GNB4: variants seen among roughly 807,000 people sequenced by gnomAD.
GNB4 encodes the protein guanine nucleotide-binding protein subunit beta-4.
GNB4 carries 28 observed loss-of-function variants against 45.2 expected under a neutral mutation model. That is an observed-to-expected ratio of 0.62 (90% CI 0.46 to 0.85). The LOEUF is 0.85. Ranked by LOEUF, GNB4 falls within the 40% of genes least tolerant of loss-of-function variation. The pLI is 0.00. For missense variants in GNB4, 321 were observed against 425.4 expected (o/e 0.75, Z 2.16); for synonymous variants, 132 against 143.7 (o/e 0.92, Z 0.58).
At chr3:179,430,103 C>A (rs1013096102) in intron 1 of GNB4, among the ~76,000 whole-genome samples, 4 of 151,556 alleles carry the variant, frequency 2.6e-5, no homozygotes, top group Non-Finnish European at 4.4e-5. Context: ...GACAGACAGA[C>A]AGACAGACAG....
the GNB4 span, among the ~76,000 whole-genome samples, chr3:179,522,298 C>G: frequency 6.9e-6 from 1 of 145,828 alleles, no homozygotes; most frequent in East Asian, 1.9e-4. Context: ...CCCCTGCCCA[C>G]CAGAGAACAA....
the GNB4 span, among the ~76,000 whole-genome samples, chr3:179,486,987 G>A: frequency 6.6e-6 from 1 of 152,142 alleles, no homozygotes; most frequent in Non-Finnish European, 1.5e-5. Flanking sequence ...GAGAAATTGG[G>A]CCTGTAATTA....
chr3:179,498,994 CTTA>C, the GNB4 span, among the ~76,000 whole-genome samples: 1 of 151,878 alleles, frequency 6.6e-6, no homozygotes, highest in Non-Finnish European at 1.5e-5. Context: ...TCAACTCCCG[CTTA>C]TCAGTGAGAA....
chr3:179,416,733 T>G (rs2108593102), intron 4 of GNB4, among the ~76,000 whole-genome samples, 177 bp from the exon 5 acceptor site: 1 of 152,322 alleles, frequency 6.6e-6, no homozygotes, highest in African/African-American at 2.4e-5. Context: ...CCAAAAATCT[T>G]GAACATATTT....
At chr3:179,427,550 A>G (rs988733372) in intron 1 of GNB4, among the ~76,000 whole-genome samples, 1 of 147,786 alleles carries the variant, frequency 6.8e-6, no homozygotes, top group East Asian at 2.0e-4. Flanking sequence ...GGCTGCAGTG[A>G]GCCGAGGTCA....
chr3:179,514,608 G>C, the GNB4 span, among the ~76,000 whole-genome samples: 1 of 152,188 alleles, frequency 6.6e-6, no homozygotes, highest in East Asian at 1.9e-4. Context: ...GGTCATAAGA[G>C]TGGTGCCCTA....
the GNB4 span, among the ~76,000 whole-genome samples, chr3:179,489,975 T>C: frequency 6.6e-6 from 1 of 152,346 alleles, no homozygotes; most frequent in South Asian, 2.1e-4. Flanking sequence ...ATTATTTGTA[T>C]GGCCATTTCT....
chr3:179,405,109 C>T, intron 9 of GNB4, 81 bp downstream of exon 9: 1 of 954,596 alleles, frequency 1.0e-6, no homozygotes, highest in Non-Finnish European at 1.6e-6. Flanking sequence ...CCAAGATGTC[C>T]ATGGAGGCCT....
intron 1 of GNB4, among the ~76,000 whole-genome samples, chr3:179,434,382 T>C (rs1417061417): frequency 1.3e-5 from 2 of 152,070 alleles, no homozygotes; most frequent in Non-Finnish European, 2.9e-5. Flanking sequence ...ATCCCTTTTA[T>C]AAAACTCAAA....
chr3:179,446,717 G>A lies in GNB4; in HGVS notation c.-43+4629C>T, dbSNP rs796871711. Among the ~76,000 whole-genome samples, 47 of 152,266 alleles carry A rather than the reference G, an allele frequency of 3.1e-4. 1 individual carries two copies. The highest frequency in any genetic ancestry group is 1.0e-3 in the African/African-American group (42 of 41,550). On this transcript the variant is annotated intron_variant, in intron 1 of 9. Transcript: ENST00000232564. ...GGGCATACAAAAGAAAGGTGATAAC[G>A]TGAAAACACTCAAAGTTGGTAACTT... is the stretch of plus-strand genomic sequence containing the variant.
chr3:179,436,545 A>G (rs191834302), intron 1 of GNB4, among the ~76,000 whole-genome samples: 1 of 152,298 alleles, frequency 6.6e-6, no homozygotes, highest in African/African-American at 2.4e-5. Flanking sequence ...CTTACACTCC[A>G]TAATTTTTAA....
At chr3:179,413,148 A>T (rs1297036133) in intron 8 of GNB4, among the ~76,000 whole-genome samples, 1 of 152,176 alleles carries the variant, frequency 6.6e-6, no homozygotes, top group Non-Finnish European at 1.5e-5. Context: ...GCTGCACTCC[A>T]GCCTGGACGA....
chr3:179,468,195 C>G, the GNB4 span, among the ~76,000 whole-genome samples: 4 of 150,352 alleles, frequency 2.7e-5, no homozygotes, highest in Non-Finnish European at 5.9e-5. Context: ...AAGACCTTGT[C>G]TCTAAAAAAC....
intron 1 of GNB4, among the ~76,000 whole-genome samples, chr3:179,436,079 T>C (rs1007129645): frequency 6.6e-6 from 1 of 152,286 alleles, no homozygotes; most frequent in African/African-American, 2.4e-5. Flanking sequence ...CCATAAAAAA[T>C]GTTATTTTAA....
chr3:179,410,403 G>A (rs1360347689), intron 8 of GNB4: 1 of 152,148 alleles, frequency 6.6e-6, no homozygotes, highest in Non-Finnish European at 1.5e-5. Flanking sequence ...CCATAACAAA[G>A]CACCACAAGC....
intron 1 of GNB4, among the ~76,000 whole-genome samples, chr3:179,430,265 T>G (rs936512236): frequency 2.0e-5 from 3 of 151,418 alleles, no homozygotes; most frequent in African/African-American, 7.4e-5. Context: ...TTCTTTTTTC[T>G]TTTTTGGTAG....
At chr3:179,421,334 G>A (rs1202252208) in intron 2 of GNB4, among the ~76,000 whole-genome samples, 2 of 151,922 alleles carry the variant, frequency 1.3e-5, no homozygotes, top group Non-Finnish European at 2.9e-5. Context: ...TATACAAACT[G>A]AAAAGGATTA....
At chr3:179,462,122 T>C in the GNB4 span, among the ~76,000 whole-genome samples, 1 of 152,328 alleles carries the variant, frequency 6.6e-6, no homozygotes, top group Middle Eastern at 3.4e-3. Context: ...CTCTTCCTAA[T>C]TCTGAGAAGA....
chr3:179,398,005 A>G lies in GNB4; in HGVS notation c.*3208T>C. The stretch of plus-strand genomic sequence containing the variant: ...CGGCCTCCCAAAGTGCTGGGATTAC[A>G]GGTGTGAGCCACCATGCCTGGCCAA... On this transcript the variant is annotated 3_prime_UTR_variant, in exon 10 of 10. Coordinates refer to ENST00000232564, the MANE Select transcript of GNB4 (RefSeq NM_021629.4). 6.6e-6 allele frequency: 1 copy of G among 152,202 alleles called. No individual in the cohort carries two copies. The highest frequency in any genetic ancestry group is 1.5e-5 in the Non-Finnish European group (1 of 68,128). The allele number at this position is 152,202 out of a possible 1,614,324, so 9.4% of individuals were successfully genotyped here. A position where few individuals can be genotyped will look rare whatever the true frequency, so the allele number is the denominator to read the frequency against.
Sources: gnomAD v4.1 joint callset for allele counts (sites outside exome capture counted in the v4.1 genomes callset) on GRCh38, gnomAD v4.1.1 for gene constraint, MANE v1.5 for transcripts, NCBI Gene and HGNC (gene_info 2026-07-23, HGNC 2026-07-21) for gene names.